Variants in PPARD observed in about 807,000 individuals in gnomAD.
PPARD encodes the protein peroxisome proliferator-activated receptor delta.
A neutral mutation model predicts 39.5 loss-of-function variants in PPARD; 6 were observed. That is an observed-to-expected ratio of 0.15 (90% confidence interval 0.08 to 0.30). The LOEUF is 0.30. Ranked by LOEUF, PPARD falls within the 10% of genes least tolerant of loss-of-function variation. The pLI, the probability that PPARD is intolerant of heterozygous loss-of-function variation, is 1.00. For synonymous variants in PPARD, 210 were observed against 231.3 expected (o/e 0.91, Z 0.83); for missense variants, 397 against 596.8 (o/e 0.67, Z 3.49).
At chr6:35,356,526 C>T (rs1761622480) in intron 2 of PPARD, among the ~76,000 whole-genome samples, 2 of 152,260 alleles carry the variant, frequency 1.3e-5, no homozygotes, top group Non-Finnish European at 2.9e-5. Context: ...TGTTGACTCT[C>T]TTTGCCTCCT....
At chr6:35,396,564 C>T (rs1387585710) in intron 2 of PPARD, among the ~76,000 whole-genome samples, 1 of 143,616 alleles carries the variant, frequency 7.0e-6, no homozygotes. Context: ...GGCGTGGTGG[C>T]TCATGCCTAT....
intron 2 of PPARD, among the ~76,000 whole-genome samples, chr6:35,356,994 A>G (rs1232671426): frequency 6.6e-6 from 1 of 152,228 alleles, no homozygotes; most frequent in Non-Finnish European, 1.5e-5. Flanking sequence ...TGTCTGCACA[A>G]CAGAGGAGAG....
At chr6:35,370,604 T>C (rs560625907) in intron 2 of PPARD, among the ~76,000 whole-genome samples, 109 of 151,688 alleles carry the variant, frequency 7.2e-4, no homozygotes, top group Non-Finnish European at 1.2e-3. Flanking sequence ...CAGTCCCTGC[T>C]CCTCTCCACA....
chr6:35,382,972 G>A (rs1362998115), intron 2 of PPARD, among the ~76,000 whole-genome samples: 1 of 152,306 alleles, frequency 6.6e-6, no homozygotes, highest in Non-Finnish European at 1.5e-5. Flanking sequence ...ACTGGGCAGC[G>A]ACTGCACCCG....
chr6:35,397,334 C>T (rs1330997229), intron 2 of PPARD, among the ~76,000 whole-genome samples: 7 of 152,096 alleles, frequency 4.6e-5, no homozygotes, highest in Non-Finnish European at 7.3e-5. Context: ...AATGAAGCCC[C>T]CCCTCCCGCA....
chr6:35,347,254 C>T (rs573362898), intron 2 of PPARD, 104 bp downstream of exon 2: 4 of 1,369,984 alleles, frequency 2.9e-6, no homozygotes, highest in Middle Eastern at 1.8e-4. Flanking sequence ...AGGGCTTATT[C>T]CCAGATTCCA....
intron 3 of PPARD, among the ~76,000 whole-genome samples, chr6:35,417,316 TA>T (rs1765837110): frequency 6.6e-6 from 1 of 151,960 alleles, no homozygotes; most frequent in African/African-American, 2.4e-5. Flanking sequence ...TTGTTTTTTT[TA>T]AGTAGAGACA....
rs1766035015 is a variant in PPARD, at chr6:35,420,059, G to A, written c.131-68G>A. Reference sequence around the variant, plus strand: ...AAGTGGCTGAGGCGAGGGCTGTGGGGCTGTTCCCACGCCCTGGCTTCCAGG... The same window carrying A: ...AAGTGGCTGAGGCGAGGGCTGTGGGACTGTTCCCACGCCCTGGCTTCCAGG... On this transcript the variant is annotated intron_variant, in intron 3 of 7. Coordinates refer to ENST00000360694, the MANE Select transcript of PPARD (RefSeq NM_006238.5). The A allele has an allele frequency of 3.8e-6, 6 of 1,563,758 alleles. No homozygotes were observed. The South Asian group carries it at 7.0e-5, about 18-fold the overall frequency.
intron 1 of PPARD, among the ~76,000 whole-genome samples, chr6:35,343,328 C>G (rs1791969402): frequency 6.6e-6 from 1 of 152,180 alleles, no homozygotes; most frequent in Non-Finnish European, 1.5e-5. Context: ...CCTGCAGTCC[C>G]TGTCTCCCTA....
chr6:35,382,622 G>A (rs1763215662), intron 2 of PPARD, among the ~76,000 whole-genome samples: 1 of 152,200 alleles, frequency 6.6e-6, no homozygotes, highest in Non-Finnish European at 1.5e-5. Flanking sequence ...CCTTTGGGAA[G>A]TTAGAGAGGC....
rs1255361150 is a variant in PPARD at position 35,363,955 on chromosome 6, G to T, written c.-102+16805G>T. Among the ~76,000 whole-genome samples the T allele has an allele frequency of 2.0e-5, 3 of 148,868 alleles. No homozygotes were observed. Among genetic ancestry groups the T allele is most frequent in the South Asian group, 2.1e-4 (1 of 4,744 alleles). On this transcript the variant is annotated intron_variant, in intron 2 of 7. Coordinates refer to ENST00000360694, the MANE Select transcript of PPARD (RefSeq NM_006238.5). The surrounding 1 kb of genome is among the most constrained non-coding windows in gnomAD (Gnocchi z 4.5). ...TAATATATTTATATATTATATTAACGGTTTTATATATTATTTTAGCTGTGT... is the reference window on the plus strand; with the variant it reads ...TAATATATTTATATATTATATTAACTGTTTTATATATTATTTTAGCTGTGT...
intron 2 of PPARD, among the ~76,000 whole-genome samples, chr6:35,364,772 C>T (rs1762107544): frequency 1.3e-5 from 2 of 151,520 alleles, no homozygotes; most frequent in South Asian, 2.1e-4. Context: ...TGCAGTGGCG[C>T]GATTTCGCCT....
intron 2 of PPARD, among the ~76,000 whole-genome samples, chr6:35,360,797 G>T (rs771408509): frequency 6.6e-6 from 1 of 152,192 alleles, no homozygotes; most frequent in Admixed American, 6.5e-5. Flanking sequence ...TTTATTTTTA[G>T]AGAGCCTTTT....
chr6:35,357,562 A>C (rs1385493142), intron 2 of PPARD, among the ~76,000 whole-genome samples: 6 of 148,746 alleles, frequency 4.0e-5, no homozygotes, highest in African/African-American at 1.5e-4. Flanking sequence ...TTTTTAAGAC[A>C]GTCTCACTCT....
At chr6:35,343,760 A>G (rs796939640) in intron 1 of PPARD, among the ~76,000 whole-genome samples, 11 of 152,244 alleles carry the variant, frequency 7.2e-5, no homozygotes, top group African/African-American at 2.6e-4. Flanking sequence ...GGGTAGCCGG[A>G]GGCTTTGTCC....
At chr6:35,386,107 A>G (rs547834318) in intron 2 of PPARD, among the ~76,000 whole-genome samples, 1 of 152,266 alleles carries the variant, frequency 6.6e-6, no homozygotes, top group African/African-American at 2.4e-5. Flanking sequence ...GGACCAGGGC[A>G]GCAGCCAAGG....
At position 35,348,501 on chromosome 6, in the gene PPARD, G is replaced by A. The variant is rs979139219; in HGVS notation, c.-102+1351G>A. On this transcript the variant is annotated intron_variant, in intron 2 of 7. Transcript: ENST00000360694. ...AATACAATGTTCATTGTCCTATTTGGAAGGCTGGGTTGTTGTGGGTCCCTG... is the reference window on the plus strand; with the variant it reads ...AATACAATGTTCATTGTCCTATTTGAAAGGCTGGGTTGTTGTGGGTCCCTG... 1.5e-5 allele frequency: 15 copies of A among 985,288 alleles called. No individual in the cohort carries two copies. The African/African-American group carries it at 2.3e-4, about 15-fold the overall frequency. 61.0% of individuals were successfully genotyped at this position (985,288 alleles called of 1,614,324 possible). A position where few individuals can be genotyped will look rare whatever the true frequency, so the allele number is the denominator to read the frequency against.
rs199957473 is a variant in PPARD, at chr6:35,424,844, C to T, written c.1078+65C>T. ...CAGTCGTCCTGGGGGTTGGCCCTCACTGCAGGGCACTGTGCCTGAGCTCTG... is the reference window on the plus strand; with the variant it reads ...CAGTCGTCCTGGGGGTTGGCCCTCATTGCAGGGCACTGTGCCTGAGCTCTG... On this transcript the variant is annotated intron_variant, in intron 7 of 7. Transcript: ENST00000360694. The surrounding 1 kb of genome is among the most constrained non-coding windows in gnomAD (Gnocchi z 7.1). The T allele has an allele frequency of 1.6e-5, 25 of 1,562,696 alleles. No homozygotes were observed. The highest frequency in any genetic ancestry group is 9.0e-5 in the Admixed American group (5 of 55,818).
At chr6:35,400,013 G>A (rs570189293) in intron 2 of PPARD, among the ~76,000 whole-genome samples, 3 of 152,258 alleles carry the variant, frequency 2.0e-5, no homozygotes, top group South Asian at 2.1e-4. Context: ...GTCAAAGAAC[G>A]TGAACGCTTT....
Sources: gnomAD v4.1 joint callset for allele counts (sites outside exome capture counted in the v4.1 genomes callset) on GRCh38, gnomAD v4.1.1 for gene constraint, Gnocchi (gnomAD v3.1) non-coding constraint, MANE v1.5 for transcripts, NCBI Gene and HGNC (gene_info 2026-07-23, HGNC 2026-07-21) for gene names.